Variants in FKBP5 observed in about 807,000 individuals in gnomAD.
The protein encoded by FKBP5 is FKBP prolyl isomerase 5, also known as peptidyl-prolyl cis-trans isomerase FKBP5.
A neutral mutation model predicts 50.5 loss-of-function variants in FKBP5; 23 were observed. The ratio of observed to expected loss-of-function variants is 0.46; its 90% CI spans 0.33 to 0.65. FKBP5 has a LOEUF of 0.65. Ranked by LOEUF, FKBP5 falls within the 30% of genes least tolerant of loss-of-function variation. FKBP5 has a pLI of 0.02. For missense variants in FKBP5, 411 were observed against 553.1 expected (o/e 0.74, Z 2.58); for synonymous variants, 176 against 190.6 (o/e 0.92, Z 0.63).
At chr6:35,585,647 A>C (rs899979640) in intron 8 of FKBP5, 73 of 930,100 alleles carry the variant, frequency 7.8e-5, no homozygotes, top group Non-Finnish European at 9.1e-5. Flanking sequence ...TAAATAACAT[A>C]TTTATATATT....
Position 35,575,734 on chromosome 6 carries a change from T to C in FKBP5, c.*101A>G. On this transcript the variant is annotated 3_prime_UTR_variant, in exon 11 of 11. Coordinates refer to ENST00000357266, the MANE Select transcript of FKBP5 (RefSeq NM_004117.4). ...CATTTGCTTCCAGAATCACATAGAC[T>C]ATAACAAACTTTACATTAAACACTG... The C allele has an allele frequency of 1.2e-6, 1 of 853,864 alleles. No individual in the cohort carries two copies. The highest frequency in any genetic ancestry group is 2.0e-6 in the Non-Finnish European group (1 of 503,510). 52.9% of individuals were successfully genotyped at this position (853,864 alleles called of 1,614,324 possible). A position where few individuals can be genotyped will look rare whatever the true frequency, so the allele number is the denominator to read the frequency against.
At chr6:35,581,080 A>G in intron 8 of FKBP5, 1 of 962,932 alleles carries the variant, frequency 1.0e-6, no homozygotes, top group Non-Finnish European at 1.2e-6. Context: ...GCTGTGTTTC[A>G]GTTAAACTGT....
chr6:35,612,920 G>A (rs1207252227), intron 5 of FKBP5, among the ~76,000 whole-genome samples: 3 of 152,236 alleles, frequency 2.0e-5, no homozygotes, highest in African/African-American at 7.2e-5. Context: ...CACACAACCT[G>A]TGGGAGTGAA....
intron 3 of FKBP5, among the ~76,000 whole-genome samples, chr6:35,635,510 T>C (rs1265256715): frequency 1.3e-5 from 2 of 152,168 alleles, no homozygotes; most frequent in Non-Finnish European, 2.9e-5. Flanking sequence ...TTGAAAATAG[T>C]AGTTCTCAAC....
At position 35,575,126 on chromosome 6, in the gene FKBP5, G is replaced by C. The variant is rs950051641; in HGVS notation, c.*709C>G. ...CATCTGCTCATTATCATTGCTGAAG[G>C]GTGTTTTAGGAATGACAGAATTACT... On this transcript the variant is annotated 3_prime_UTR_variant, in exon 11 of 11. Coordinates refer to ENST00000357266, the MANE Select transcript of FKBP5 (RefSeq NM_004117.4). 1.3e-5 allele frequency: 2 copies of C among 152,148 alleles called. No individual in the cohort carries two copies. 9.4% of individuals were successfully genotyped at this position (152,148 alleles called of 1,614,324 possible).
intron 1 of FKBP5, among the ~76,000 whole-genome samples, chr6:35,664,941 T>C (rs1369615121): frequency 6.6e-6 from 1 of 152,204 alleles, no homozygotes; most frequent in African/African-American, 2.4e-5. Context: ...GCCATTCTCC[T>C]AGGTTTGCAA....
At chr6:35,690,518 C>G (rs1765965262), upstream of FKBP5, among the ~76,000 whole-genome samples, 1 of 151,438 alleles carries the variant, frequency 6.6e-6, no homozygotes, top group Admixed American at 6.6e-5. Context: ...AAAGCCAAGA[C>G]TGAAACCGCC....
chr6:35,686,815 C>T (rs1182342074), intron 1 of FKBP5, among the ~76,000 whole-genome samples: 1 of 149,028 alleles, frequency 6.7e-6, no homozygotes, highest in Non-Finnish European at 1.5e-5. Context: ...TTGCCTAATG[C>T]AATATTTTAA....
At chr6:35,605,463 A>G (rs1010470319) in intron 5 of FKBP5, among the ~76,000 whole-genome samples, 8 of 134,124 alleles carry the variant, frequency 6.0e-5, no homozygotes, top group African/African-American at 2.0e-4. Context: ...TGGTGCAACC[A>G]TAACTCACCG....
intron 5 of FKBP5, among the ~76,000 whole-genome samples, chr6:35,609,668 T>C (rs910348848): frequency 7.2e-5 from 11 of 152,198 alleles, no homozygotes; most frequent in African/African-American, 1.7e-4. Flanking sequence ...CTAATTTCTT[T>C]TTCACTTTTC....
At chr6:35,643,508 T>C (rs1209646766) in intron 1 of FKBP5, among the ~76,000 whole-genome samples, 4 of 152,228 alleles carry the variant, frequency 2.6e-5, no homozygotes, top group African/African-American at 9.7e-5. Flanking sequence ...ACCTACAGAA[T>C]GTTCTTCCAT....
At chr6:35,646,115 CA>C (rs997988560) in intron 1 of FKBP5, among the ~76,000 whole-genome samples, 4 of 151,404 alleles carry the variant, frequency 2.6e-5, no homozygotes, top group African/African-American at 9.7e-5. Flanking sequence ...GACTCTTTCT[CA>C]AAAAAAAGAG....
chr6:35,721,975 TC>T (rs1766618690), intron 1 of FKBP5, among the ~76,000 whole-genome samples: 1 of 152,210 alleles, frequency 6.6e-6, no homozygotes, highest in Non-Finnish European at 1.5e-5. Context: ...GCTGTGCTGT[TC>T]CCTGTGCCTG....
At chr6:35,700,407 CA>C (rs1422446545) in intron 2 of FKBP5, among the ~76,000 whole-genome samples, 1 of 152,126 alleles carries the variant, frequency 6.6e-6, no homozygotes, top group Non-Finnish European at 1.5e-5. Context: ...TTAATTAAAG[CA>C]GGTCACAGAG....
chr6:35,708,576 A>AT (rs34417388), intron 2 of FKBP5, among the ~76,000 whole-genome samples: 17 of 149,406 alleles, frequency 1.1e-4, no homozygotes, highest in Admixed American at 2.7e-4. Context: ...TCTATATAGC[A>AT]TTTTTTTTTT....
At chr6:35,629,681 A>G (rs1036199302) in intron 3 of FKBP5, among the ~76,000 whole-genome samples, 11 of 152,178 alleles carry the variant, frequency 7.2e-5, no homozygotes, top group African/African-American at 2.4e-4. Flanking sequence ...TGTACTCAAA[A>G]AGAGAACAAA....
chr6:35,620,413 C>T lies in FKBP5; in HGVS notation c.251-139G>A, dbSNP rs1396378935. 3.8e-6 allele frequency: 3 copies of T among 783,924 alleles called. No homozygotes were observed. In the South Asian group the frequency reaches 6.3e-5, roughly 16 times the overall value. 48.6% of individuals were successfully genotyped at this position (783,924 alleles called of 1,614,324 possible). ...GTATGGGCTACAAGATGACAGAGTGCTACATACAAATAAATAAATTATTTT... is the reference window on the plus strand; with the variant it reads ...GTATGGGCTACAAGATGACAGAGTGTTACATACAAATAAATAAATTATTTT... On this transcript the variant is annotated intron_variant, in intron 3 of 10. Transcript: ENST00000357266.
chr6:35,711,450 T>C, intron 2 of FKBP5, among the ~76,000 whole-genome samples: 1 of 151,948 alleles, frequency 6.6e-6, no homozygotes, highest in Non-Finnish European at 1.5e-5. Flanking sequence ...AAACCCTGTC[T>C]CTACTAAAAA....
chr6:35,609,966 A>G (rs1453524274), intron 5 of FKBP5, among the ~76,000 whole-genome samples: 2 of 151,968 alleles, frequency 1.3e-5, no homozygotes, highest in Middle Eastern at 3.2e-3. Context: ...TTTTTTCGTG[A>G]TATTTGCTGA....
Sources: gnomAD v4.1 joint callset for allele counts (sites outside exome capture counted in the v4.1 genomes callset) on GRCh38, gnomAD v4.1.1 for gene constraint, MANE v1.5 for transcripts, NCBI Gene and HGNC (gene_info 2026-07-23, HGNC 2026-07-21) for gene names.